STX8: variants seen among roughly 807,000 people sequenced by gnomAD.
STX8 encodes the protein syntaxin-8.
In STX8, 23 loss-of-function variants were observed where a neutral mutation model predicts 37.5. That is an observed-to-expected ratio of 0.61 (90% CI 0.44 to 0.87). STX8 has a LOEUF of 0.87. STX8 is among the 40% of genes least tolerant of loss of function. The pLI is 0.00. For synonymous variants in STX8, 115 were observed against 99.1 expected, an observed-to-expected ratio of 1.16 and a Z score of -0.95; for missense variants, 313 against 284.7, an observed-to-expected ratio of 1.10 and a Z score of -0.71.
rs1597706923 is a variant in STX8, at chr17:9,494,085, G to A, written c.449-2164C>T. Among the ~76,000 whole-genome samples the A allele has an allele frequency of 2.0e-5, 3 of 151,214 alleles. No homozygotes were observed. In the South Asian group the frequency reaches 6.3e-4, roughly 32 times the overall value. Reference sequence around the variant, plus strand: ...GGCTGGAGTGCAGTGGCGCGATCTCGGCTCACTGCAAGCTCCACCTCCCGG... The same window carrying A: ...GGCTGGAGTGCAGTGGCGCGATCTCAGCTCACTGCAAGCTCCACCTCCCGG... On this transcript the variant is annotated intron_variant, in intron 5 of 7. Coordinates refer to ENST00000306357, the MANE Select transcript of STX8 (RefSeq NM_004853.3).
intron 3 of STX8, chr17:9,557,141 A>G (rs1189727182): frequency 1.1e-5 from 3 of 270,376 alleles, no homozygotes; most frequent in Non-Finnish European, 1.5e-5. Flanking sequence ...CTAGACAGAG[A>G]GCAGTGTGGG....
At chr17:9,386,903 CTT>C (rs1912032807) in intron 6 of STX8, among the ~76,000 whole-genome samples, 1 of 152,078 alleles carries the variant, frequency 6.6e-6, no homozygotes, top group African/African-American at 2.4e-5. Flanking sequence ...GAGTTTCACT[CTT>C]GTTGCCCAGG....
chr17:9,390,538 G>A (rs1319528319), intron 6 of STX8, among the ~76,000 whole-genome samples: 4 of 135,940 alleles, frequency 2.9e-5, no homozygotes, highest in Non-Finnish European at 4.8e-5. Flanking sequence ...AAAAAAAAGT[G>A]TAACACAGGG....
chr17:9,292,281 G>A (rs1263029704), intron 7 of STX8, among the ~76,000 whole-genome samples: 2 of 152,214 alleles, frequency 1.3e-5, no homozygotes, highest in African/African-American at 2.4e-5. Context: ...TCAGTGTCAC[G>A]GTCTCCACCG....
intron 5 of STX8, among the ~76,000 whole-genome samples, chr17:9,495,057 C>T (rs957611784): frequency 3.4e-4 from 51 of 152,190 alleles, no homozygotes; most frequent in African/African-American, 1.2e-3. Flanking sequence ...TTAACATTTA[C>T]TTATATTTTT....
At chr17:9,526,220 G>A (rs1382243344) in intron 4 of STX8, among the ~76,000 whole-genome samples, 1 of 152,188 alleles carries the variant, frequency 6.6e-6, no homozygotes, top group Non-Finnish European at 1.5e-5. Flanking sequence ...GAGAGGACCT[G>A]GGTTCTAGTT....
At chr17:9,513,229 G>A (rs1905070950) in intron 4 of STX8, among the ~76,000 whole-genome samples, 1 of 150,446 alleles carries the variant, frequency 6.6e-6, no homozygotes, top group African/African-American at 2.4e-5. Context: ...AGCTAGGCAT[G>A]GTGGCATGCA....
At chr17:9,527,020 A>G (rs1905600586) in intron 4 of STX8, among the ~76,000 whole-genome samples, 1 of 148,708 alleles carries the variant, frequency 6.7e-6, no homozygotes, top group African/African-American at 2.5e-5. Context: ...TCTACTAAAA[A>G]TACAAAAAAT....
At chr17:9,379,960 T>C (rs1024990402) in intron 6 of STX8, among the ~76,000 whole-genome samples, 1 of 141,628 alleles carries the variant, frequency 7.1e-6, no homozygotes, top group African/African-American at 2.9e-5. Flanking sequence ...AGAGAGAGAC[T>C]CTGTCTCAAA....
At chr17:9,493,516 C>T (rs1906945338) in intron 5 of STX8, among the ~76,000 whole-genome samples, 1 of 152,174 alleles carries the variant, frequency 6.6e-6, no homozygotes, top group Non-Finnish European at 1.5e-5. Flanking sequence ...CAGGGAGGTT[C>T]TTCCCCATGA....
chr17:9,450,110 G>A (rs752031623), intron 6 of STX8, among the ~76,000 whole-genome samples: 1 of 151,570 alleles, frequency 6.6e-6, no homozygotes, highest in Non-Finnish European at 1.5e-5. Context: ...ATGGAGTCTC[G>A]CTCTGTCATC....
chr17:9,377,048 C>T (rs535200212), intron 7 of STX8, among the ~76,000 whole-genome samples: 1 of 152,134 alleles, frequency 6.6e-6, no homozygotes, highest in African/African-American at 2.4e-5. Flanking sequence ...CATGGGGCTC[C>T]ACTACCTCTG....
At position 9,507,093 on chromosome 17, in the gene STX8, T is replaced by G. The variant is rs546892657; in HGVS notation, c.324-1931A>C. Among the ~76,000 whole-genome samples the G allele has an allele frequency of 7.6e-4, 115 of 151,600 alleles. No homozygotes were observed. Among genetic ancestry groups the G allele is most frequent in the African/African-American group, 2.8e-3 (114 of 41,290 alleles). ...GAGCCAACCAAACTGCTGCATACCCTCCTGCAAGCAGAAGGCCCTGAGCAA... is the reference window on the plus strand; with the variant it reads ...GAGCCAACCAAACTGCTGCATACCCGCCTGCAAGCAGAAGGCCCTGAGCAA... On this transcript the variant is annotated intron_variant, in intron 4 of 7. Coordinates refer to ENST00000306357, the MANE Select transcript of STX8 (RefSeq NM_004853.3). The surrounding 1 kb of genome is among the most constrained non-coding windows in gnomAD (Gnocchi z 4.0).
At chr17:9,317,501 C>T (rs1172015801) in intron 7 of STX8, among the ~76,000 whole-genome samples, 1 of 152,220 alleles carries the variant, frequency 6.6e-6, no homozygotes, top group East Asian at 1.9e-4. Context: ...CGCGGTGGCT[C>T]ACGCCTGGAA....
At chr17:9,421,284 C>T (rs1360254498) in intron 6 of STX8, among the ~76,000 whole-genome samples, 1 of 148,836 alleles carries the variant, frequency 6.7e-6, no homozygotes, top group African/African-American at 2.5e-5. Flanking sequence ...CCCAGCTACT[C>T]GGGAGGCTGA....
chr17:9,293,654 T>C (rs967020322), intron 7 of STX8, among the ~76,000 whole-genome samples: 1 of 152,110 alleles, frequency 6.6e-6, no homozygotes, highest in Non-Finnish European at 1.5e-5. Context: ...TTGAAGTGAA[T>C]ACGACACTTT....
At chr17:9,513,540 T>C (rs924539429) in intron 4 of STX8, among the ~76,000 whole-genome samples, 1 of 152,174 alleles carries the variant, frequency 6.6e-6, no homozygotes. Context: ...TGTGAGGATG[T>C]TGTGAAACAG....
chr17:9,467,750 G>A (rs1442912968), intron 6 of STX8, among the ~76,000 whole-genome samples: 2 of 152,142 alleles, frequency 1.3e-5, no homozygotes, highest in Admixed American at 6.5e-5. Flanking sequence ...GAGAAGCAAG[G>A]AGCAACTCCA....
At chr17:9,513,749 T>C (rs931501139) in intron 4 of STX8, among the ~76,000 whole-genome samples, 1 of 152,148 alleles carries the variant, frequency 6.6e-6, no homozygotes, top group Non-Finnish European at 1.5e-5. Flanking sequence ...CTATTCACAG[T>C]AGGCAAAATA....
Sources: allele counts gnomAD v4.1 joint callset (sites outside exome capture counted in the v4.1 genomes callset), GRCh38; gene constraint gnomAD v4.1.1; non-coding constraint Gnocchi (gnomAD v3.1); transcripts MANE v1.5; gene names NCBI Gene and HGNC (gene_info 2026-07-23, HGNC 2026-07-21).